ARMH3: variants seen among roughly 807,000 people sequenced by gnomAD.
ARMH3 encodes the protein armadillo-like helical domain-containing protein 3.
Under a neutral mutation model 99.1 loss-of-function variants are expected in ARMH3, and 60 were observed. That is an observed-to-expected ratio of 0.61 (90% CI 0.49 to 0.75). The LOEUF (loss-of-function observed/expected upper bound fraction) is 0.75, where lower values mean the gene tolerates loss of function less well. ARMH3 is among the 30% of genes least tolerant of loss of function. ARMH3 has a pLI of 0.00. For missense variants in ARMH3, 679 were observed against 843.1 expected, an observed-to-expected ratio of 0.81 and a Z score of 2.41; for synonymous variants, 285 against 292.8, an observed-to-expected ratio of 0.97 and a Z score of 0.27.
intron 22 of ARMH3, among the ~76,000 whole-genome samples, chr10:101,953,698 C>T (rs989801094): frequency 3.3e-5 from 5 of 151,836 alleles, no homozygotes; most frequent in African/African-American, 1.2e-4. Flanking sequence ...TAGAAGCAAA[C>T]AACAACAACA....
intron 24 of ARMH3, among the ~76,000 whole-genome samples, chr10:101,850,153 A>G (rs2066560574): frequency 7.5e-6 from 1 of 132,966 alleles, no homozygotes; most frequent in Non-Finnish European, 1.5e-5. Flanking sequence ...GCTGGAGTAC[A>G]GTGACGTGAT....
intron 24 of ARMH3, among the ~76,000 whole-genome samples, chr10:101,855,510 G>A (rs1033361479): frequency 5.3e-5 from 8 of 150,626 alleles, no homozygotes; most frequent in Admixed American, 6.6e-5. Context: ...AGGAGTTCAA[G>A]ACCAGCCTGG....
chr10:101,983,496 T>A (rs903497045), intron 19 of ARMH3, among the ~76,000 whole-genome samples: 2 of 152,114 alleles, frequency 1.3e-5, no homozygotes, highest in Non-Finnish European at 2.9e-5. Context: ...TGGGCTCAAG[T>A]GATCCATCTA....
intron 5 of ARMH3, among the ~76,000 whole-genome samples, chr10:102,025,499 C>T (rs185983314): frequency 1.4e-3 from 208 of 152,220 alleles, no homozygotes; most frequent in African/African-American, 4.8e-3. Flanking sequence ...AGAACAGTTG[C>T]ACAAGAGAGT....
chr10:101,886,320 C>T (rs542466242), intron 24 of ARMH3, among the ~76,000 whole-genome samples: 7 of 147,502 alleles, frequency 4.7e-5, no homozygotes, highest in African/African-American at 1.5e-4. Flanking sequence ...TCAAGACCAA[C>T]CTGGCAAACA....
intron 20 of ARMH3, among the ~76,000 whole-genome samples, chr10:101,961,514 A>G (rs1456199394): frequency 1.3e-5 from 2 of 152,188 alleles, no homozygotes; most frequent in Non-Finnish European, 2.9e-5. Flanking sequence ...GTTTATTTAT[A>G]AACTATTATG....
intron 20 of ARMH3, among the ~76,000 whole-genome samples, chr10:101,965,367 T>C (rs1845489122): frequency 6.6e-6 from 1 of 151,998 alleles, no homozygotes; most frequent in African/African-American, 2.4e-5. Flanking sequence ...CACTGATAGG[T>C]AAAAGGAAAG....
At chr10:101,859,506 C>T (rs1264495262) in intron 24 of ARMH3, among the ~76,000 whole-genome samples, 2 of 152,266 alleles carry the variant, frequency 1.3e-5, no homozygotes, top group Admixed American at 6.5e-5. Flanking sequence ...AAAGATGAAA[C>T]GAATGGGAGA....
intron 23 of ARMH3, among the ~76,000 whole-genome samples, chr10:101,934,319 G>A (rs1025601745): frequency 6.6e-6 from 1 of 152,096 alleles, no homozygotes; most frequent in African/African-American, 2.4e-5. Flanking sequence ...CAAGTAAGAA[G>A]GGTGGGTGAG....
intron 17 of ARMH3, among the ~76,000 whole-genome samples, chr10:101,992,564 C>T (rs1480436270): frequency 3.3e-5 from 5 of 150,442 alleles, no homozygotes; most frequent in East Asian, 1.9e-4. Context: ...GGCACGATCT[C>T]GGCTCACTGC....
At chr10:101,950,387 G>T (rs2135773019) in intron 22 of ARMH3, among the ~76,000 whole-genome samples, 1 of 152,298 alleles carries the variant, frequency 6.6e-6, no homozygotes, top group South Asian at 2.1e-4. Flanking sequence ...AAACAGTGTG[G>T]CAGTTCCTCA....
chr10:101,960,203 G>A (rs1344108733), intron 20 of ARMH3, among the ~76,000 whole-genome samples: 1 of 151,996 alleles, frequency 6.6e-6, no homozygotes, highest in Admixed American at 6.5e-5. Flanking sequence ...CTATCTACAG[G>A]GAATTTAATA....
intron 23 of ARMH3, among the ~76,000 whole-genome samples, chr10:101,909,463 C>CTTTTTTTTT (rs61122631): frequency 1.4e-5 from 1 of 71,714 alleles, no homozygotes; most frequent in Non-Finnish European, 2.4e-5. Flanking sequence ...CAAGCTTCCT[C>CTTTTTTTTT]TTTTTTTTTT....
intron 23 of ARMH3, among the ~76,000 whole-genome samples, chr10:101,892,445 C>T (rs909478264): frequency 3.3e-5 from 5 of 152,060 alleles, no homozygotes; most frequent in Non-Finnish European, 7.4e-5. Context: ...GGCAATATAA[C>T]GAGACCTTCT....
chr10:101,895,549 G>A (rs1202360959), intron 23 of ARMH3, among the ~76,000 whole-genome samples: 2 of 152,144 alleles, frequency 1.3e-5, no homozygotes, highest in Non-Finnish European at 2.9e-5. Context: ...AAAGTGTTGG[G>A]ATTACAGGTG....
chr10:102,011,867 G>A, intron 10 of ARMH3, 84 bp from the exon 11 acceptor site: 1 of 1,110,172 alleles, frequency 9.0e-7, no homozygotes, highest in South Asian at 1.5e-5. Context: ...TCAGGGCAGA[G>A]CACTCTTAAA....
chr10:101,864,072 A>ACACACACACAC (rs1356328511), intron 24 of ARMH3, among the ~76,000 whole-genome samples: 1 of 134,550 alleles, frequency 7.4e-6, no homozygotes. Flanking sequence ...AAAAAAAAAA[A>ACACACACACAC]AAAAAAACAC....
At chr10:101,924,597 T>C (rs2135623141) in intron 23 of ARMH3, among the ~76,000 whole-genome samples, 1 of 151,894 alleles carries the variant, frequency 6.6e-6, no homozygotes, top group South Asian at 2.1e-4. Context: ...CCTCGTGATC[T>C]GCCCACCTCG....
At chr10:101,895,380 C>T (rs1564729799) in intron 23 of ARMH3, among the ~76,000 whole-genome samples, 1 of 151,440 alleles carries the variant, frequency 6.6e-6, no homozygotes, top group South Asian at 2.1e-4. Flanking sequence ...CCCGGGTTCA[C>T]GCCATTCTCC....
Sources: allele counts gnomAD v4.1 joint callset (sites outside exome capture counted in the v4.1 genomes callset), GRCh38; gene constraint gnomAD v4.1.1; transcripts MANE v1.5; gene names NCBI Gene and HGNC (gene_info 2026-07-23, HGNC 2026-07-21).